Variants in TLK2 observed in about 807,000 individuals in gnomAD.
The protein encoded by TLK2 is tousled like kinase 2, also known as serine/threonine-protein kinase tousled-like 2.
In TLK2, 6 loss-of-function variants were observed where a neutral mutation model predicts 117.3. That is an observed-to-expected ratio of 0.05 (90% CI 0.03 to 0.10). The LOEUF is 0.10. Among genes scored for constraint, TLK2 ranks in the 10% least tolerant of loss-of-function variants. The probability of loss-of-function intolerance (pLI) is 1.00; values close to 1 mark genes in which losing one functional copy is unlikely to be tolerated. For missense variants in TLK2, 299 were observed against 901.2 expected (o/e 0.33, Z 8.56); for synonymous variants, 257 against 316.7 (o/e 0.81, Z 2.00).
intron 7 of TLK2, among the ~76,000 whole-genome samples, chr17:62,544,910 T>G (rs2077791686): frequency 6.6e-6 from 1 of 152,246 alleles, no homozygotes; most frequent in Non-Finnish European, 1.5e-5. Context: ...AGTCCTATAT[T>G]TCTTTTGTTA....
intron 11 of TLK2, among the ~76,000 whole-genome samples, chr17:62,565,533 A>G (rs2079696011): frequency 6.6e-6 from 1 of 151,526 alleles, no homozygotes; most frequent in African/African-American, 2.4e-5. Flanking sequence ...GGCGCCTGTA[A>G]TCCCAGCTAC....
At chr17:62,568,346 T>G (rs1368468832) in intron 11 of TLK2, among the ~76,000 whole-genome samples, 1 of 150,176 alleles carries the variant, frequency 6.7e-6, no homozygotes, top group African/African-American at 2.5e-5. Flanking sequence ...GCAGGAGAAT[T>G]GCTTGAACAT....
At chr17:62,589,877 A>G (rs1055963073) in intron 16 of TLK2, among the ~76,000 whole-genome samples, 7 of 151,354 alleles carry the variant, frequency 4.6e-5, no homozygotes, top group Non-Finnish European at 7.4e-5. Flanking sequence ...CGCGATCTCC[A>G]CTCACTGCAA....
chr17:62,604,686 G>A (rs1020308542), intron 19 of TLK2, among the ~76,000 whole-genome samples: 3 of 151,704 alleles, frequency 2.0e-5, no homozygotes, highest in South Asian at 4.2e-4. Flanking sequence ...CAAGGCGGGC[G>A]GATCATGAGG....
intron 13 of TLK2, 112 bp from the exon 14 acceptor site, chr17:62,578,365 G>A (rs1598718856): frequency 1.3e-6 from 1 of 775,736 alleles, no homozygotes; most frequent in South Asian, 1.6e-5. Flanking sequence ...TCAATGCAAA[G>A]CACCTTCCTT....
chr17:62,521,750 G>A (rs1216233660), intron 3 of TLK2, among the ~76,000 whole-genome samples: 1 of 150,992 alleles, frequency 6.6e-6, no homozygotes, highest in South Asian at 2.1e-4. Context: ...TTTTTTATTT[G>A]GCATATAACC....
At chr17:62,577,427 G>T (rs988475643) in intron 13 of TLK2, among the ~76,000 whole-genome samples, 1 of 152,156 alleles carries the variant, frequency 6.6e-6, no homozygotes. Flanking sequence ...TGAAATTGAT[G>T]TGAAGACTCC....
Position 62,602,027 on chromosome 17 carries a change from G to C in TLK2, c.1721-15G>C. On this transcript the variant is annotated splice_polypyrimidine_tract_variant and intron_variant, in intron 18 of 21. Transcript: ENST00000346027. ...AGTAAGTCTCTGCTTATTCATGAAG[G>C]TTTTTATTTTTTAGGTAATATTCTT... The C allele has an allele frequency of 2.5e-6, 4 of 1,606,344 alleles. No homozygotes were observed. The highest frequency in any genetic ancestry group is 3.4e-6 in the Non-Finnish European group (4 of 1,177,354).
At chr17:62,522,170 A>G (rs1289954220) in intron 3 of TLK2, 34 bp from the exon 4 acceptor site, 2 of 1,602,418 alleles carry the variant, frequency 1.2e-6, no homozygotes, top group East Asian at 2.2e-5. Context: ...AAATTTACCA[A>G]AATGCTAATT....
intron 7 of TLK2, among the ~76,000 whole-genome samples, chr17:62,546,344 G>GGTTTTTTTTTTTTT (rs1555628572): frequency 4.3e-5 from 1 of 23,346 alleles, no homozygotes; most frequent in African/African-American, 1.0e-4. Flanking sequence ...TTTGTTGATT[G>GGTTTTTTTTTTTTT]TTTTTTTTTT....
rs181007867 is a variant in TLK2, at chr17:62,542,175, C to T, written c.531+5838C>T. Among the ~76,000 whole-genome samples the T allele has an allele frequency of 4.5e-3, 686 of 152,250 alleles. 3 individuals are homozygous for T. The highest frequency in any genetic ancestry group is 8.0e-3 in the Non-Finnish European group (546 of 68,014). The stretch of plus-strand genomic sequence containing the variant: ...GCAAGAAATTGAGGAGATGGAGAAG[C>T]GTAAAATTCTTCCCTTGGATTTCTC... On this transcript the variant is annotated intron_variant, in intron 7 of 21. Coordinates refer to ENST00000346027, the MANE Select transcript of TLK2 (RefSeq NM_006852.6).
intron 11 of TLK2, among the ~76,000 whole-genome samples, chr17:62,571,303 A>C (rs2080270018): frequency 2.6e-5 from 4 of 152,184 alleles, no homozygotes. Context: ...ACTTTAAATC[A>C]CCTCTGGATT....
chr17:62,516,511 G>A, intron 2 of TLK2: 1 of 1,607,838 alleles, frequency 6.2e-7, no homozygotes, highest in South Asian at 1.1e-5. Context: ...AATCTCCGGG[G>A]GCAGATGAAG....
intron 15 of TLK2, among the ~76,000 whole-genome samples, chr17:62,583,780 T>C (rs530627705): frequency 1.2e-4 from 18 of 152,146 alleles, no homozygotes; most frequent in African/African-American, 4.1e-4. Flanking sequence ...GGTTTTACTA[T>C]GTTGGCTAGG....
At chr17:62,589,153 G>A (rs1460730412) in intron 16 of TLK2, among the ~76,000 whole-genome samples, 4 of 151,884 alleles carry the variant, frequency 2.6e-5, no homozygotes, top group Non-Finnish European at 4.4e-5. Flanking sequence ...TAAACTGATT[G>A]TTTTATTTAT....
rs1424100441 is a variant in TLK2 at position 62,612,799 on chromosome 17, C to T, written c.*234C>T. ...GAAAAGGCCCCGCCCGAGGTTCCAG[C>T]GTCAACGGCCACTGTGTGTGGCTGC... On this transcript the variant is annotated 3_prime_UTR_variant, in exon 22 of 22. Coordinates refer to ENST00000346027, the MANE Select transcript of TLK2 (RefSeq NM_006852.6). 8 of 346,568 alleles carry T rather than the reference C, an allele frequency of 2.3e-5. No homozygotes were observed. The highest frequency in any genetic ancestry group is 5.1e-5 in the East Asian group (1 of 19,758). The allele number at this position is 346,568 out of a possible 1,614,324, so 21.5% of individuals were successfully genotyped here. A position where few individuals can be genotyped will look rare whatever the true frequency, so the allele number is the denominator to read the frequency against.
chr17:62,508,604 T>C (rs2074904064), intron 2 of TLK2: 6 of 949,380 alleles, frequency 6.3e-6, no homozygotes, highest in African/African-American at 1.8e-5. Flanking sequence ...TTGTTAGTTA[T>C]ATGAAAGTCT....
Position 62,576,966 on chromosome 17 carries a change from C to CTTTTTTTTTTTTTT in TLK2, c.1188+192_1188+205dup, listed in dbSNP as rs59523807. Among the ~76,000 whole-genome samples the CTTTTTTTTTTTTTT allele has an allele frequency of 8.4e-4, 97 of 115,916 alleles. 2 individuals carry two copies. Among genetic ancestry groups the CTTTTTTTTTTTTTT allele is most frequent in the African/African-American group, 1.3e-3 (43 of 33,062 alleles). The allele number at this position is 115,916 out of a possible 152,430, so 76.0% of individuals were successfully genotyped here. ...ATATTTTTCCATTTTCTTTCTTCTT[C>CTTTTTTTTTTTTTT]TTTTTTTTTTTTTTGAGTTGGAGTC... On this transcript the variant is annotated intron_variant, in intron 13 of 21. Transcript: ENST00000346027.
intron 1 of TLK2, among the ~76,000 whole-genome samples, 169 bp downstream of exon 1, chr17:62,479,459 C>T (rs186227274): frequency 1.3e-5 from 2 of 152,034 alleles, no homozygotes; most frequent in Non-Finnish European, 2.9e-5. Context: ...CTGCGGGTCG[C>T]TGAGGGGCCG....
Sources: gnomAD v4.1 joint callset for allele counts (sites outside exome capture counted in the v4.1 genomes callset) on GRCh38, gnomAD v4.1.1 for gene constraint, MANE v1.5 for transcripts, NCBI Gene and HGNC (gene_info 2026-07-23, HGNC 2026-07-21) for gene names.